CNTN4: variants seen among roughly 807,000 people sequenced by gnomAD.
The protein encoded by CNTN4 is contactin 4, also known as contactin-4.
A neutral mutation model predicts 122.5 loss-of-function variants in CNTN4; 77 were observed. That is an observed-to-expected ratio of 0.63 (90% CI 0.52 to 0.76). The LOEUF (loss-of-function observed/expected upper bound fraction) is 0.76. Ranked by LOEUF, CNTN4 falls within the 30% of genes least tolerant of loss-of-function variation. The pLI is 0.00. For missense variants in CNTN4, 1,256 were observed against 1,259.1 expected, an observed-to-expected ratio of 1.00 and a Z score of 0.04; for synonymous variants, 512 against 447.0, an observed-to-expected ratio of 1.15 and a Z score of -1.83.
At chr3:2,639,995 T>G (rs1381012274) in intron 4 of CNTN4, among the ~76,000 whole-genome samples, 1 of 152,222 alleles carries the variant, frequency 6.6e-6, no homozygotes. Flanking sequence ...AGAATTTAGT[T>G]AATTGAATTC....
At chr3:2,559,949 T>C (rs1003788863) in intron 3 of CNTN4, among the ~76,000 whole-genome samples, 1 of 152,184 alleles carries the variant, frequency 6.6e-6, no homozygotes, top group African/African-American at 2.4e-5. Context: ...ACATATTGCA[T>C]GTGTTCAACG....
rs1229383536 is a variant in CNTN4 at position 2,883,286 on chromosome 3, G to A, written c.755+39G>A. ...TGCGTTCCTTCTCATCCTCCCTTCA[G>A]CTTGAGCAGGTATAGAGTTTTTCTT... On this transcript the variant is annotated intron_variant, in intron 9 of 24. Transcript: ENST00000418658. The A allele has an allele frequency of 2.1e-6, 3 of 1,463,032 alleles. No individual in the cohort carries two copies. The African/African-American group carries it at 4.2e-5, about 20-fold the overall frequency. The allele number at this position is 1,463,032 out of a possible 1,614,324, so 90.6% of individuals were successfully genotyped here.
At chr3:2,798,366 A>ATCTATCTACCTATCTATCT (rs57013365) in intron 6 of CNTN4, among the ~76,000 whole-genome samples, 16 of 135,462 alleles carry the variant, frequency 1.2e-4, no homozygotes, top group East Asian at 1.0e-3. Flanking sequence ...TACACACATA[A>ATCTATCTACCTATCTATCT]ATCTATCTAT....
At chr3:2,522,038 C>T (rs2077236084) in intron 3 of CNTN4, among the ~76,000 whole-genome samples, 1 of 152,010 alleles carries the variant, frequency 6.6e-6, no homozygotes, top group Admixed American at 6.6e-5. Context: ...CCTTCTAACT[C>T]TGCTTTTTAA....
rs899795437 is a variant in CNTN4 at position 2,841,395 on chromosome 3, C to A, written c.454+21814C>A. Among the ~76,000 whole-genome samples the A allele has an allele frequency of 1.3e-5, 2 of 152,140 alleles. No individual in the cohort carries two copies. The highest frequency in any genetic ancestry group is 4.8e-5 in the African/African-American group (2 of 41,426). On this transcript the variant is annotated intron_variant, in intron 7 of 24. Coordinates refer to ENST00000418658, the MANE Select transcript of CNTN4 (RefSeq NM_175607.3). This position sits in a 1 kb window ranked among gnomAD's most constrained non-coding sequence, Gnocchi z 4.8. ...TATTTTTCCAACTCTACCATCACAA[C>A]TGAGAAAAGGTAATGTGGTACATTT... is the stretch of plus-strand genomic sequence containing the variant.
At position 2,475,528 on chromosome 3, in the gene CNTN4, G is replaced by A. The variant is rs544852215; in HGVS notation, c.-88-95888G>A. 2.6e-5 allele frequency among the ~76,000 whole-genome samples: 4 copies of A among 152,192 alleles called. No homozygotes were observed. In the East Asian group the frequency reaches 7.7e-4, roughly 29 times the overall value. On this transcript the variant is annotated intron_variant, in intron 3 of 24. Coordinates refer to ENST00000418658, the MANE Select transcript of CNTN4 (RefSeq NM_175607.3). ...TTGCTCTAAGGGTGTTTTACAATAT[G>A]TTTCATTTCAAAATGTAACAAATGA...
intron 6 of CNTN4, among the ~76,000 whole-genome samples, chr3:2,770,031 GTT>G (rs1204030725): frequency 1.9e-4 from 27 of 138,900 alleles, no homozygotes; most frequent in Admixed American, 1.5e-3. Flanking sequence ...TTGTTTGTTT[GTT>G]TGTTTTTTTT....
At position 2,709,152 on chromosome 3, in the gene CNTN4, A is replaced by C. The variant is rs2086944603; in HGVS notation, c.56-27063A>C. ...AAATGAAGCCTTACCATTTGATGAA[A>C]ATCCAGCAAAAATGCATATTGCATT... On this transcript the variant is annotated intron_variant, in intron 4 of 24. Coordinates refer to ENST00000418658, the MANE Select transcript of CNTN4 (RefSeq NM_175607.3). This position sits in a 1 kb window ranked among gnomAD's most constrained non-coding sequence, Gnocchi z 5.0. Among the ~76,000 whole-genome samples the C allele has an allele frequency of 2.0e-5, 3 of 152,204 alleles. No individual in the cohort carries two copies. Among genetic ancestry groups the C allele is most frequent in the Non-Finnish European group, 4.4e-5 (3 of 68,038 alleles).
chr3:2,354,336 G>T (rs2044775163), intron 3 of CNTN4, among the ~76,000 whole-genome samples: 1 of 152,154 alleles, frequency 6.6e-6, no homozygotes, highest in Non-Finnish European at 1.5e-5. Flanking sequence ...TTCAATACCA[G>T]GCTGGCCAAT....
chr3:3,017,438 T>A (rs777042506), intron 14 of CNTN4, among the ~76,000 whole-genome samples: 3 of 152,226 alleles, frequency 2.0e-5, no homozygotes, highest in Admixed American at 6.5e-5. Flanking sequence ...ATGTGAGTGA[T>A]GATAACCTGA....
chr3:2,235,053 TCTG>T (rs1489011754), intron 2 of CNTN4, among the ~76,000 whole-genome samples: 2 of 152,226 alleles, frequency 1.3e-5, no homozygotes, highest in African/African-American at 4.8e-5. Context: ...ATAGATAACA[TCTG>T]CTGTCTCAGA....
chr3:2,686,945 T>C (rs2085462667), intron 4 of CNTN4, among the ~76,000 whole-genome samples: 1 of 152,174 alleles, frequency 6.6e-6, no homozygotes, highest in Non-Finnish European at 1.5e-5. Flanking sequence ...TTGGAGGTCA[T>C]TAACAATATG....
At chr3:2,162,304 A>G (rs373758890) in intron 2 of CNTN4, among the ~76,000 whole-genome samples, 1 of 152,352 alleles carries the variant, frequency 6.6e-6, no homozygotes. Context: ...ATAATTTCTT[A>G]TGAATGTTCT....
chr3:2,317,625 A>G lies in CNTN4; in HGVS notation c.-144-21553A>G, dbSNP rs144226210. Among the ~76,000 whole-genome samples, 9 of 152,318 alleles carry G rather than the reference A, an allele frequency of 5.9e-5. No homozygotes were observed. In the East Asian group the frequency reaches 1.7e-3, roughly 29 times the overall value. Reference sequence around the variant, plus strand: ...CCATTCCGTTCTAATGGACAGTCATAGTTCATAGTGAGTTTGAAGTCTTTC... The same window carrying G: ...CCATTCCGTTCTAATGGACAGTCATGGTTCATAGTGAGTTTGAAGTCTTTC... On this transcript the variant is annotated intron_variant, in intron 2 of 24. Transcript: ENST00000418658.
At chr3:2,845,339 C>A (rs916720013) in intron 7 of CNTN4, among the ~76,000 whole-genome samples, 1 of 151,804 alleles carries the variant, frequency 6.6e-6, no homozygotes, top group Non-Finnish European at 1.5e-5. Context: ...AGTCCACTGT[C>A]AACTTTAAAA....
chr3:2,819,379 C>G lies in CNTN4; in HGVS notation c.359-107C>G, dbSNP rs534345448. 5.8e-5 allele frequency: 48 copies of G among 832,484 alleles called. No individual in the cohort carries two copies. In the African/African-American group the frequency reaches 7.5e-4, roughly 13 times the overall value. The allele number at this position is 832,484 out of a possible 1,614,324, so 51.6% of individuals were successfully genotyped here. A position where few individuals can be genotyped will look rare whatever the true frequency, so the allele number is the denominator to read the frequency against. On this transcript the variant is annotated intron_variant, in intron 6 of 24. Coordinates refer to ENST00000418658, the MANE Select transcript of CNTN4 (RefSeq NM_175607.3). Reference sequence around the variant, plus strand: ...CTGAATTCCCCCGGTATGGGTGCTACCAACGCAGTTTTGAGCAGAATGATT... The same window carrying G: ...CTGAATTCCCCCGGTATGGGTGCTAGCAACGCAGTTTTGAGCAGAATGATT...
At chr3:2,204,555 C>G (rs1153542) in intron 2 of CNTN4, among the ~76,000 whole-genome samples, 116,379 of 152,108 alleles carry the variant, frequency 0.77, 44,912 homozygotes, top group East Asian at 0.86. Context: ...GTACACAAAA[C>G]TCATAAACAC....
At chr3:2,887,459 A>G (rs111627856) in intron 10 of CNTN4, among the ~76,000 whole-genome samples, 11 of 152,042 alleles carry the variant, frequency 7.2e-5, no homozygotes, top group Non-Finnish European at 1.6e-4. Flanking sequence ...TGTTTGGAGG[A>G]TGGGTATTAG....
At chr3:2,965,248 A>G (rs1449131679) in intron 13 of CNTN4, among the ~76,000 whole-genome samples, 4 of 152,158 alleles carry the variant, frequency 2.6e-5, no homozygotes, top group African/African-American at 9.7e-5. Context: ...ACGCTATCCA[A>G]TCAATAATTA....
Sources: gnomAD v4.1 joint callset for allele counts (sites outside exome capture counted in the v4.1 genomes callset) on GRCh38, gnomAD v4.1.1 for gene constraint, Gnocchi (gnomAD v3.1) non-coding constraint, MANE v1.5 for transcripts, NCBI Gene and HGNC (gene_info 2026-07-23, HGNC 2026-07-21) for gene names.